Variants in KANSL1 observed in about 807,000 individuals in gnomAD.
The protein encoded by KANSL1 is MLL1/MLL complex subunit KANSL1.
Under a neutral mutation model 103.6 loss-of-function variants are expected in KANSL1, and 22 were observed. That is an observed-to-expected ratio of 0.21 (90% CI 0.15 to 0.30). The LOEUF is 0.30. Ranked by LOEUF, KANSL1 falls within the 10% of genes least tolerant of loss-of-function variation. KANSL1 has a pLI of 1.00. For synonymous variants in KANSL1, 600 were observed against 527.6 expected (o/e 1.14, Z -1.88); for missense variants, 1,337 against 1,399.8 (o/e 0.96, Z 0.72).
At chr17:46,145,725 T>C (rs1417806892) in intron 2 of KANSL1, among the ~76,000 whole-genome samples, 2 of 152,196 alleles carry the variant, frequency 1.3e-5, no homozygotes, top group Non-Finnish European at 2.9e-5. Flanking sequence ...CCATCCATAC[T>C]AGCTTTTCCT....
At chr17:46,125,041 GA>G (rs2043465135) in intron 2 of KANSL1, among the ~76,000 whole-genome samples, 1 of 72,540 alleles carries the variant, frequency 1.4e-5, no homozygotes, top group Non-Finnish European at 2.7e-5. Flanking sequence ...GGTAGGGAGG[GA>G]GGGAGGAGGG....
intron 1 of KANSL1, among the ~76,000 whole-genome samples, chr17:46,217,329 A>G (rs2048371566): frequency 6.6e-6 from 1 of 152,118 alleles, no homozygotes; most frequent in South Asian, 2.1e-4. Context: ...TGTAAAAATT[A>G]GCTAGGCACG....
chr17:46,117,077 G>T (rs962935304), intron 2 of KANSL1, among the ~76,000 whole-genome samples: 2 of 152,228 alleles, frequency 1.3e-5, no homozygotes, highest in African/African-American at 4.8e-5. Flanking sequence ...ATGAGAGGCA[G>T]ATTTCTGTCA....
chr17:46,141,355 T>A (rs2044411736), intron 2 of KANSL1, among the ~76,000 whole-genome samples: 1 of 152,240 alleles, frequency 6.6e-6, no homozygotes, highest in Admixed American at 6.5e-5. Flanking sequence ...ACCCTAGATT[T>A]AGATAAACTT....
intron 1 of KANSL1, among the ~76,000 whole-genome samples, chr17:46,214,076 A>G (rs1040364695): frequency 6.6e-6 from 1 of 152,248 alleles, no homozygotes; most frequent in Non-Finnish European, 1.5e-5. Context: ...ACCAAATGAC[A>G]CTGGGTGGTC....
chr17:46,109,947 T>C (rs375413629), intron 2 of KANSL1, among the ~76,000 whole-genome samples: 3 of 152,178 alleles, frequency 2.0e-5, no homozygotes, highest in South Asian at 2.1e-4. Context: ...GCAAAGTGCA[T>C]GTAGAGGGGT....
At chr17:46,152,011 C>T (rs1304636638) in intron 2 of KANSL1, among the ~76,000 whole-genome samples, 1 of 151,978 alleles carries the variant, frequency 6.6e-6, no homozygotes, top group Non-Finnish European at 1.5e-5. Context: ...GGTACAACCA[C>T]AGGACTTCTA....
intron 1 of KANSL1, among the ~76,000 whole-genome samples, chr17:46,209,018 C>A (rs4792837): frequency 0.35 from 52,884 of 150,034 alleles, 9,597 homozygotes; most frequent in South Asian, 0.6. Context: ...TAAAAAAAAA[C>A]CAAAAACTAC....
In KANSL1 at chr17:46,128,446, C is replaced by CA. The variant is rs199749918; in HGVS notation, c.1290-33746dup. ...AGAGGTAAGAAGAGAATTAAAAAGC[C>CA]AAAAAAAAGTGTGTGTATGCATATA... On this transcript the variant is annotated intron_variant, in intron 2 of 14. Transcript: ENST00000432791. Among the ~76,000 whole-genome samples the CA allele has an allele frequency of 7.5e-3, 1,141 of 151,136 alleles. 14 individuals are homozygous for CA. Among genetic ancestry groups the CA allele is most frequent in the African/African-American group, 0.027 (1,105 of 41,142 alleles).
intron 2 of KANSL1, among the ~76,000 whole-genome samples, chr17:46,098,071 T>G (rs1348347063): frequency 1.3e-5 from 2 of 149,798 alleles, no homozygotes; most frequent in Non-Finnish European, 2.9e-5. Flanking sequence ...AGTTATCTGC[T>G]TCAATGTTGG....
At chr17:46,203,220 G>A (rs934479720) in intron 1 of KANSL1, among the ~76,000 whole-genome samples, 2 of 152,192 alleles carry the variant, frequency 1.3e-5, no homozygotes, top group South Asian at 4.1e-4. Flanking sequence ...CAGCCTGAAC[G>A]ACAGAGCAGA....
chr17:46,127,721 T>A (rs2043642232), intron 2 of KANSL1, among the ~76,000 whole-genome samples: 1 of 151,614 alleles, frequency 6.6e-6, no homozygotes, highest in Non-Finnish European at 1.5e-5. Flanking sequence ...AAGGGTGCAG[T>A]GAGCCGAGAT....
At chr17:46,174,402 C>A (rs1334343102) in intron 1 of KANSL1, among the ~76,000 whole-genome samples, 2 of 152,158 alleles carry the variant, frequency 1.3e-5, no homozygotes, top group Admixed American at 6.5e-5. Context: ...CCAGGATGGT[C>A]ACAATCTCCT....
chr17:46,175,685 A>C (rs1443550049), intron 1 of KANSL1, among the ~76,000 whole-genome samples: 1 of 152,152 alleles, frequency 6.6e-6, no homozygotes, highest in Non-Finnish European at 1.5e-5. Context: ...TTCTTGTTCC[A>C]GGGTTGTATT....
At chr17:46,050,441 C>A in intron 7 of KANSL1, 92 bp downstream of exon 7, 1 of 1,291,710 alleles carries the variant, frequency 7.7e-7, no homozygotes, top group Non-Finnish European at 1.1e-6. Context: ...TTGAAAGTAT[C>A]TGAGTTGTAA....
chr17:46,058,739 ACACACTCTCTCTCTCT>A (rs1414389705), intron 6 of KANSL1, among the ~76,000 whole-genome samples: 1,672 of 29,824 alleles, frequency 0.056, 9 homozygotes, highest in Middle Eastern at 0.11. Context: ...ACACACACAC[ACACACTCTCTCTCTCT>A]CTCTCTCTCT....
At chr17:46,103,532 G>C (rs1426249285) in intron 2 of KANSL1, among the ~76,000 whole-genome samples, 1 of 151,806 alleles carries the variant, frequency 6.6e-6, no homozygotes, top group East Asian at 1.9e-4. Context: ...GATTGTCTCA[G>C]TTTTCTCCAA....
In KANSL1 at chr17:46,171,972, C is replaced by T. The variant is rs1412208533; in HGVS notation, c.172G>A (p.Asp58Asn). 4 of 1,614,252 alleles carry T rather than the reference C, an allele frequency of 2.5e-6. No individual in the cohort carries two copies. Among genetic ancestry groups the T allele is most frequent in the Non-Finnish European group, 3.4e-6 (4 of 1,180,046 alleles). Residue 58 changes from aspartate to asparagine, a missense_variant, in exon 2 of 15, where the codon GAT (aspartate) becomes AAT (asparagine). Physicochemically the swap from Asp to Asn is conservative, Grantham distance 23 (BLOSUM62 1). Transcript: ENST00000432791. ...TTATTTCGGAAATCTAGGCTGGGAT[C>T]CTCTGCAGCAATGGCTTTTCTTTTG... ...GTKRKAIAAE[D>N]PSLDFRNNPT...
chr17:46,165,150 A>G (rs1214476620), intron 2 of KANSL1, among the ~76,000 whole-genome samples: 1 of 152,270 alleles, frequency 6.6e-6, no homozygotes, highest in Non-Finnish European at 1.5e-5. Flanking sequence ...GTAAAAAATG[A>G]CAAAGCAATT....
Sources: allele counts gnomAD v4.1 joint callset (sites outside exome capture counted in the v4.1 genomes callset), GRCh38; gene constraint gnomAD v4.1.1; transcripts MANE v1.5; gene names NCBI Gene and HGNC (gene_info 2026-07-23, HGNC 2026-07-21).